The following ANGPT1 variants were observed in gnomAD, a reference collection of about 807,000 sequenced individuals.
ANGPT1 encodes the protein angiopoietin 1.
In ANGPT1, 17 loss-of-function variants were observed where a neutral mutation model predicts 62.2. The ratio of observed to expected loss-of-function variants is 0.27; its 90% CI spans 0.19 to 0.41. ANGPT1 has a LOEUF of 0.41. Among genes scored for constraint, ANGPT1 ranks in the 10% least tolerant of loss-of-function variants. ANGPT1 has a pLI of 1.00. For missense variants in ANGPT1, 478 were observed against 594.9 expected, an observed-to-expected ratio of 0.80 and a Z score of 2.04; for synonymous variants, 199 against 198.9, an observed-to-expected ratio of 1.00 and a Z score of 0.00.
chr8:107,410,833 G>A (rs894786584), intron 1 of ANGPT1, among the ~76,000 whole-genome samples: 1 of 152,060 alleles, frequency 6.6e-6, no homozygotes, highest in African/African-American at 2.4e-5. Flanking sequence ...TCAGTAATTT[G>A]CAGTTATATT....
rs189972299 is a variant in ANGPT1, at chr8:107,312,944, T to C, written c.808+8952A>G. 1.8e-3 allele frequency among the ~76,000 whole-genome samples: 268 copies of C among 152,144 alleles called. 1 individual carries two copies. Among genetic ancestry groups the C allele is most frequent in the Non-Finnish European group, 2.7e-3 (186 of 67,988 alleles). On this transcript the variant is annotated intron_variant, in intron 4 of 8. Coordinates refer to ENST00000517746, the MANE Select transcript of ANGPT1 (RefSeq NM_001146.5). ...TCTATAATTCCTAGCTCTAGAGAGA[T>C]AGGTTGGATAATTAATTATGATTAA... is the stretch of plus-strand genomic sequence containing the variant.
At chr8:107,486,932 T>C (rs1463028150) in intron 1 of ANGPT1, among the ~76,000 whole-genome samples, 1 of 152,216 alleles carries the variant, frequency 6.6e-6, no homozygotes, top group African/African-American at 2.4e-5. Context: ...CCACCTTGGC[T>C]GAAGTGCATA....
chr8:107,451,384 A>T (rs1277085552), intron 1 of ANGPT1, among the ~76,000 whole-genome samples: 1 of 151,764 alleles, frequency 6.6e-6, no homozygotes, highest in Non-Finnish European at 1.5e-5. Flanking sequence ...ACTAGGTTCA[A>T]TATCTTCCAG....
intron 1 of ANGPT1, among the ~76,000 whole-genome samples, chr8:107,372,005 T>G (rs973303835): frequency 4.6e-5 from 7 of 152,176 alleles, no homozygotes. Context: ...GTATCATACC[T>G]ATGTCATATG....
chr8:107,394,609 T>C (rs973847328), intron 1 of ANGPT1, among the ~76,000 whole-genome samples: 20 of 152,188 alleles, frequency 1.3e-4, no homozygotes, highest in African/African-American at 4.8e-4. Flanking sequence ...TGTGAAAATG[T>C]AGGCTATCTG....
chr8:107,491,562 C>A (rs981831135), intron 1 of ANGPT1, among the ~76,000 whole-genome samples: 1 of 152,068 alleles, frequency 6.6e-6, no homozygotes, highest in Non-Finnish European at 1.5e-5. Context: ...GCCAACCATG[C>A]AAAGATCAGG....
At chr8:107,440,644 G>A (rs1035455471) in intron 1 of ANGPT1, among the ~76,000 whole-genome samples, 1 of 152,134 alleles carries the variant, frequency 6.6e-6, no homozygotes, top group African/African-American at 2.4e-5. Flanking sequence ...TTGACTTAAA[G>A]CAATGTATAA....
intron 1 of ANGPT1, among the ~76,000 whole-genome samples, chr8:107,453,811 G>A (rs1021319836): frequency 7.3e-5 from 11 of 151,298 alleles, no homozygotes; most frequent in Admixed American, 2.0e-4. Context: ...ATGAGGTGGC[G>A]AAGTATATTT....
chr8:107,497,127 G>A (rs1269945927), intron 1 of ANGPT1, 135 bp downstream of exon 1: 4 of 1,043,850 alleles, frequency 3.8e-6, no homozygotes, highest in Admixed American at 2.7e-5. Context: ...CCAGACAGCC[G>A]TCTTGCAATT....
chr8:107,340,181 T>G (rs760172643), intron 2 of ANGPT1, among the ~76,000 whole-genome samples: 3 of 152,168 alleles, frequency 2.0e-5, no homozygotes, highest in Non-Finnish European at 4.4e-5. Context: ...CATTTCCTTC[T>G]TAGCCTAAAC....
At chr8:107,365,842 C>A (rs1267991206) in intron 1 of ANGPT1, among the ~76,000 whole-genome samples, 3 of 128,600 alleles carry the variant, frequency 2.3e-5, no homozygotes, top group Non-Finnish European at 3.2e-5. Flanking sequence ...TTAATTAGGA[C>A]AAGAAACAAA....
chr8:107,439,876 C>G (rs1336303161), intron 1 of ANGPT1, among the ~76,000 whole-genome samples: 2 of 152,016 alleles, frequency 1.3e-5, no homozygotes, highest in Admixed American at 6.6e-5. Flanking sequence ...TGTTGAAATT[C>G]AGAAGTAGAG....
chr8:107,305,968 G>A (rs1036551339), intron 4 of ANGPT1, among the ~76,000 whole-genome samples: 1 of 151,994 alleles, frequency 6.6e-6, no homozygotes, highest in Admixed American at 6.6e-5. Flanking sequence ...CCTTTGATAA[G>A]GGTAGATTGA....
At chr8:107,469,144 AG>A (rs1290468411) in intron 1 of ANGPT1, among the ~76,000 whole-genome samples, 10 of 152,090 alleles carry the variant, frequency 6.6e-5, no homozygotes, top group African/African-American at 2.2e-4. Flanking sequence ...TGCTAGTGGC[AG>A]GCATGAATGA....
At chr8:107,443,646 TA>T (rs548442338) in intron 1 of ANGPT1, among the ~76,000 whole-genome samples, 337 of 135,474 alleles carry the variant, frequency 2.5e-3, no homozygotes, top group Non-Finnish European at 2.4e-3. Context: ...CCGTCTCTAC[TA>T]AAAAAAAAAA....
At chr8:107,463,554 A>G (rs1586343972) in intron 1 of ANGPT1, among the ~76,000 whole-genome samples, 1 of 152,164 alleles carries the variant, frequency 6.6e-6, no homozygotes, top group Admixed American at 6.6e-5. Flanking sequence ...TTCCAACAGT[A>G]ACACAACAGT....
chr8:107,380,633 T>C (rs1460863524), intron 1 of ANGPT1, among the ~76,000 whole-genome samples: 1 of 152,196 alleles, frequency 6.6e-6, no homozygotes, highest in Non-Finnish European at 1.5e-5. Flanking sequence ...AATATTATTG[T>C]TTCAACCAAT....
intron 1 of ANGPT1, among the ~76,000 whole-genome samples, chr8:107,429,356 G>A (rs1185738887): frequency 6.6e-6 from 1 of 152,152 alleles, no homozygotes; most frequent in Non-Finnish European, 1.5e-5. Flanking sequence ...CCACTTAACA[G>A]TTCAGTTAAC....
chr8:107,384,299 C>A (rs777718414), intron 1 of ANGPT1, among the ~76,000 whole-genome samples: 3 of 152,012 alleles, frequency 2.0e-5, no homozygotes, highest in Non-Finnish European at 2.9e-5. Context: ...GGATTAAGAA[C>A]CTCTAAGTCA....
Sources: gnomAD v4.1 joint callset for allele counts (sites outside exome capture counted in the v4.1 genomes callset) on GRCh38, gnomAD v4.1.1 for gene constraint, MANE v1.5 for transcripts, NCBI Gene and HGNC (gene_info 2026-07-23, HGNC 2026-07-21) for gene names.